EXOC2: variants seen among roughly 807,000 people sequenced by gnomAD.
The protein encoded by EXOC2 is SEC5-like 1.
In EXOC2, 70 loss-of-function variants were observed where a neutral mutation model predicts 131.8. The observed-to-expected ratio is 0.53, with a 90% CI of 0.44 to 0.65. EXOC2 has a LOEUF of 0.65. Ranked by LOEUF, EXOC2 falls within the 30% of genes least tolerant of loss-of-function variation. The probability of loss-of-function intolerance (pLI) is 0.00; values close to 1 mark genes in which losing one functional copy is unlikely to be tolerated. For missense variants in EXOC2, 923 were observed against 1,108.6 expected, an observed-to-expected ratio of 0.83 and a Z score of 2.38; for synonymous variants, 411 against 398.4, an observed-to-expected ratio of 1.03 and a Z score of -0.38.
intron 1 of EXOC2, among the ~76,000 whole-genome samples, chr6:643,611 A>T (rs74369752): frequency 0.11 from 1,720 of 16,380 alleles, 31 homozygotes; most frequent in Middle Eastern, 0.25. Flanking sequence ...CCACCTTTTA[A>T]AAAAAAAACT....
At position 564,862 on chromosome 6, in the gene EXOC2, A is replaced by T; in HGVS notation, c.1509+2T>A. 1 of 1,612,354 alleles carries T rather than the reference A, an allele frequency of 6.2e-7. No individual in the cohort carries two copies. Among genetic ancestry groups the T allele is most frequent in the Non-Finnish European group, 8.5e-7 (1 of 1,179,420 alleles). On this transcript the variant is annotated splice_donor_variant, in intron 14 of 27. Coordinates refer to ENST00000230449, the MANE Select transcript of EXOC2 (RefSeq NM_018303.6). LOFTEE classifies it high-confidence loss of function. ...GTCTACATACTTATCACCCTTACTC[A>T]CCTTAAAATCATTTTGTCTTTGCCT...
chr6:502,242 C>T (rs1335892264), intron 23 of EXOC2, among the ~76,000 whole-genome samples: 1 of 152,194 alleles, frequency 6.6e-6, no homozygotes, highest in Non-Finnish European at 1.5e-5. Flanking sequence ...CCTCTGCCCT[C>T]AGTGAGAACC....
intron 21 of EXOC2, among the ~76,000 whole-genome samples, chr6:553,489 T>C (rs71550013): frequency 0.061 from 9,274 of 151,858 alleles, 437 homozygotes; most frequent in Non-Finnish European, 0.097. Context: ...AAAGCAGAAC[T>C]ACTCTGGTTG....
chr6:631,644 G>C (rs1448295326), intron 3 of EXOC2, among the ~76,000 whole-genome samples: 14 of 151,890 alleles, frequency 9.2e-5, no homozygotes. Context: ...TTTTGCCTAA[G>C]TTTTCTTTAT....
chr6:595,326 T>C (rs1190123010), intron 10 of EXOC2, among the ~76,000 whole-genome samples: 2 of 152,072 alleles, frequency 1.3e-5, no homozygotes, highest in Non-Finnish European at 2.9e-5. Flanking sequence ...TGCTCATAAA[T>C]TTCAAAGTCC....
At position 563,964 on chromosome 6, in the gene EXOC2, A is replaced by C; in HGVS notation, c.1789+69T>G. ...TTTTCCCTTGTTTTCAAGGATTTGG[A>C]CACTGAAAGGAGGTGGCACATTCAG... On this transcript the variant is annotated intron_variant, in intron 16 of 27. Transcript: ENST00000230449. The C allele has an allele frequency of 1.9e-6, 3 of 1,566,496 alleles. No homozygotes were observed. In the Admixed American group the frequency reaches 5.7e-5, roughly 30 times the overall value.
intron 23 of EXOC2, among the ~76,000 whole-genome samples, chr6:515,922 C>G (rs947652190): frequency 3.9e-5 from 6 of 152,190 alleles, no homozygotes; most frequent in Admixed American, 1.3e-4. Context: ...CCCTTAGATT[C>G]TGTTCACCAG....
intron 23 of EXOC2, among the ~76,000 whole-genome samples, chr6:516,431 C>A (rs943337820): frequency 1.3e-5 from 2 of 152,202 alleles, no homozygotes; most frequent in African/African-American, 4.8e-5. Context: ...CCCCTAGCCC[C>A]GGCCCAACAG....
chr6:552,483 TG>T (rs1268778649), intron 21 of EXOC2, among the ~76,000 whole-genome samples: 1 of 152,236 alleles, frequency 6.6e-6, no homozygotes, highest in Non-Finnish European at 1.5e-5. Context: ...GAATTCTTGG[TG>T]TTCTTATCTA....
At position 486,051 on chromosome 6, in the gene EXOC2, CAGAT is replaced by C. The variant is rs1264169169; in HGVS notation, c.*616_*619del. ...GCTTAGCCCTGTGAAAAATAAAAAT[CAGAT>C]AGCAAAACGCAAAGTTAAATCACAG... On this transcript the variant is annotated 3_prime_UTR_variant, in exon 28 of 28. Coordinates refer to ENST00000230449, the MANE Select transcript of EXOC2 (RefSeq NM_018303.6). The C allele has an allele frequency of 1.3e-5, 2 of 152,170 alleles. No individual in the cohort carries two copies. The highest frequency in any genetic ancestry group is 2.9e-5 in the Non-Finnish European group (2 of 68,032). The allele number at this position is 152,170 out of a possible 1,614,324, so 9.4% of individuals were successfully genotyped here.
At position 486,577 on chromosome 6, in the gene EXOC2, C is replaced by A; in HGVS notation, c.*94G>T. 1 of 1,134,526 alleles carries A rather than the reference C, an allele frequency of 8.8e-7. No individual in the cohort carries two copies. The highest frequency in any genetic ancestry group is 1.3e-6 in the Non-Finnish European group (1 of 784,752). The allele number at this position is 1,134,526 out of a possible 1,614,324, so 70.3% of individuals were successfully genotyped here. On this transcript the variant is annotated 3_prime_UTR_variant, in exon 28 of 28. Coordinates refer to ENST00000230449, the MANE Select transcript of EXOC2 (RefSeq NM_018303.6). Reference sequence around the variant, plus strand: ...AGAAAAAAGAGAAAAATGGCAAACCCAATGTTTAATACACCAAATACCTTT... The same window carrying A: ...AGAAAAAAGAGAAAAATGGCAAACCAAATGTTTAATACACCAAATACCTTT...
Position 598,002 on chromosome 6 carries a change from A to C in EXOC2, c.1073+19T>G. The C allele has an allele frequency of 6.3e-7, 1 of 1,578,336 alleles. No homozygotes were observed. The highest frequency in any genetic ancestry group is 1.1e-5 in the South Asian group (1 of 89,510). On this transcript the variant is annotated intron_variant, in intron 10 of 27. Coordinates refer to ENST00000230449, the MANE Select transcript of EXOC2 (RefSeq NM_018303.6). ...AAACAGATACATGTGATTCAACAAA[A>C]TGTTTGCAGAAGATTTACCTTATGT...
At position 514,427 on chromosome 6, in the gene EXOC2, G is replaced by T. The variant is rs114134943; in HGVS notation, c.2381-14727C>A. Reference sequence around the variant, plus strand: ...CCTGGTTTTGGGAGAAAGTCACAGAGATGGCATTTATGACCTCAAGAGTAG... The same window carrying T: ...CCTGGTTTTGGGAGAAAGTCACAGATATGGCATTTATGACCTCAAGAGTAG... On this transcript the variant is annotated intron_variant, in intron 23 of 27. Transcript: ENST00000230449. 1.9e-3 allele frequency among the ~76,000 whole-genome samples: 294 copies of T among 152,310 alleles called. 1 individual carries two copies. The highest frequency in any genetic ancestry group is 6.9e-3 in the African/African-American group (285 of 41,572).
intron 22 of EXOC2, among the ~76,000 whole-genome samples, chr6:533,516 C>T (rs773970730): frequency 2.6e-5 from 4 of 152,054 alleles, no homozygotes; most frequent in South Asian, 2.1e-4. Flanking sequence ...GCCAGACACA[C>T]GCTCGCTGTC....
At chr6:680,730 T>C (rs1267129909) in intron 1 of EXOC2, among the ~76,000 whole-genome samples, 1 of 152,094 alleles carries the variant, frequency 6.6e-6, no homozygotes, top group Non-Finnish European at 1.5e-5. Context: ...AAATTAACTA[T>C]CTTAAGAAAG....
At chr6:538,814 C>T (rs1766621739) in intron 22 of EXOC2, among the ~76,000 whole-genome samples, 1 of 152,178 alleles carries the variant, frequency 6.6e-6, no homozygotes, top group Non-Finnish European at 1.5e-5. Context: ...TGGCTCACGC[C>T]TATAATCCTA....
chr6:619,332 T>C lies in EXOC2; in HGVS notation c.536+98A>G, dbSNP rs903697399. On this transcript the variant is annotated intron_variant, in intron 5 of 27. Coordinates refer to ENST00000230449, the MANE Select transcript of EXOC2 (RefSeq NM_018303.6). The stretch of plus-strand genomic sequence containing the variant: ...GCTCGCAGACCTAAAACCATGTAAC[T>C]GTATGCAGAGCCAGACCTAAAACTC... 5.5e-6 allele frequency: 5 copies of C among 908,150 alleles called. No individual in the cohort carries two copies. The African/African-American group carries it at 6.6e-5, about 12-fold the overall frequency. 56.3% of individuals were successfully genotyped at this position (908,150 alleles called of 1,614,324 possible).
intron 1 of EXOC2, among the ~76,000 whole-genome samples, chr6:644,868 G>T (rs893138418): frequency 5.9e-5 from 9 of 152,120 alleles, no homozygotes; most frequent in Non-Finnish European, 8.8e-5. Context: ...TCTATATCAT[G>T]ACCATGGATC....
chr6:539,927 T>C (rs989805140), intron 22 of EXOC2, among the ~76,000 whole-genome samples: 3 of 152,236 alleles, frequency 2.0e-5, no homozygotes, highest in African/African-American at 2.4e-5. Flanking sequence ...ACTTGTCAAA[T>C]GGGGGCAAAA....
Sources: gnomAD v4.1 joint callset for allele counts (sites outside exome capture counted in the v4.1 genomes callset) on GRCh38, gnomAD v4.1.1 for gene constraint, MANE v1.5 for transcripts, NCBI Gene and HGNC (gene_info 2026-07-23, HGNC 2026-07-21) for gene names.